Variants in MTTP observed in about 807,000 individuals in gnomAD.
MTTP encodes the protein microsomal triglyceride transfer protein.
MTTP carries 49 observed loss-of-function variants against 90.6 expected under a neutral mutation model. The ratio of observed to expected loss-of-function variants is 0.54; its 90% CI spans 0.43 to 0.69. The LOEUF is 0.69. Among genes scored for constraint, MTTP ranks in the 30% least tolerant of loss-of-function variants. MTTP has a pLI of 0.00. For synonymous variants in MTTP, 347 were observed against 384.2 expected, an observed-to-expected ratio of 0.90 and a Z score of 1.13; for missense variants, 945 against 1,067.5, an observed-to-expected ratio of 0.89 and a Z score of 1.60.
intron 8 of MTTP, among the ~76,000 whole-genome samples, chr4:99,598,819 A>G (rs1257514211): frequency 6.6e-6 from 1 of 151,836 alleles, no homozygotes; most frequent in Non-Finnish European, 1.5e-5. Context: ...ATGTGCCACC[A>G]CACCCGGCTA....
rs1366920959 is a variant in MTTP, at chr4:99,594,771, G to A, written c.797G>A (p.Arg266Lys). The A allele has an allele frequency of 6.2e-7, 1 of 1,614,026 alleles. No homozygotes were observed. The highest frequency in any genetic ancestry group is 1.3e-5 in the African/African-American group (1 of 75,036). Residue 266 changes from arginine to lysine, a missense_variant, in exon 7 of 18, where the codon AGA (arginine) becomes AAA (lysine). Coordinates refer to ENST00000265517, the MANE Select transcript of MTTP (RefSeq NM_001386140.1). ...LELKTTEAGPRLMSGKQAAAI... is the reference protein window; with the variant it reads ...LELKTTEAGPKLMSGKQAAAI... ...CTGAAGACAACCGAAGCAGGCCCAA[G>A]ATTGATGTCTGGAAAGCAGGCTGCA...
chr4:99,611,415 T>C lies in MTTP; in HGVS notation c.1951T>C (p.Phe651Leu), dbSNP rs1159084242. 8.1e-6 allele frequency: 13 copies of C among 1,613,990 alleles called. No homozygotes were observed. Among genetic ancestry groups the C allele is most frequent in the Non-Finnish European group, 1.1e-5 (13 of 1,179,972 alleles). ...GILRRSNLNIFQYIGKAGLHG... is the reference protein window; with the variant it reads ...GILRRSNLNILQYIGKAGLHG... ...TCTAAGGAGAAGTAACCTGAACATC[T>C]TTCAGTACATTGGGAAGGCTGGTCT... Residue 651 changes from phenylalanine to leucine, a missense_variant, in exon 14 of 18, where the codon TTT becomes CTT. Physicochemically the swap from Phe to Leu is conservative, Grantham distance 22. Coordinates refer to ENST00000265517, the MANE Select transcript of MTTP (RefSeq NM_001386140.1).
chr4:99,603,082 C>CA (rs1725735377), intron 10 of MTTP, among the ~76,000 whole-genome samples: 1 of 151,866 alleles, frequency 6.6e-6, no homozygotes, highest in Admixed American at 6.6e-5. Context: ...GTGAAGAGGT[C>CA]AAAGTATGGA....
At chr4:99,608,087 T>A (rs747434880) in intron 11 of MTTP, among the ~76,000 whole-genome samples, 1 of 152,162 alleles carries the variant, frequency 6.6e-6, no homozygotes, top group African/African-American at 2.4e-5. Context: ...AATTCTATAT[T>A]AGTTAGGTAA....
At chr4:99,572,127 T>G (rs1724854327), upstream of MTTP, among the ~76,000 whole-genome samples, 1 of 151,960 alleles carries the variant, frequency 6.6e-6, no homozygotes, top group South Asian at 2.1e-4. Context: ...TTGGAATTAA[T>G]CATCCATCTT....
chr4:99,592,933 C>T (rs1286843418), intron 6 of MTTP, among the ~76,000 whole-genome samples: 1 of 152,130 alleles, frequency 6.6e-6, no homozygotes, highest in Non-Finnish European at 1.5e-5. Flanking sequence ...AACAGTAGCA[C>T]AGTAGGTGTG....
chr4:99,622,681 T>G lies in MTTP; in HGVS notation c.2518T>G (p.Phe840Val), dbSNP rs1478403210. The G allele has an allele frequency of 6.2e-7, 1 of 1,613,818 alleles. No homozygotes were observed. The highest frequency in any genetic ancestry group is 8.5e-7 in the Non-Finnish European group (1 of 1,179,872). ...ATTGTTGCTGTTGTTGTACAGGCAA[T>G]TTGAGAAAAAGTACGAAAGGCTGTC... Reference protein sequence around the residue: ...MDKDEAPFRQFEKKYERLSTG... With the variant: ...MDKDEAPFRQVEKKYERLSTG... The change falls in exon 18 of 18, where the codon TTT (phenylalanine) becomes GTT (valine). Residue 840 changes from phenylalanine (F) to valine (V), a missense_variant. Coordinates refer to ENST00000265517, the MANE Select transcript of MTTP (RefSeq NM_001386140.1).
chr4:99,578,411 G>T (rs959778714), intron 1 of MTTP, among the ~76,000 whole-genome samples: 1 of 152,208 alleles, frequency 6.6e-6, no homozygotes, highest in African/African-American at 2.4e-5. Flanking sequence ...AGTGTTGCCA[G>T]ATCTCTGCAA....
intron 16 of MTTP, among the ~76,000 whole-genome samples, chr4:99,620,455 G>C (rs1463356700): frequency 6.6e-6 from 1 of 152,158 alleles, no homozygotes; most frequent in Non-Finnish European, 1.5e-5. Context: ...CAGTTATCTA[G>C]AGCATCATTA....
upstream of MTTP, chr4:99,574,720 C>G: frequency 7.6e-7 from 1 of 1,313,360 alleles, no homozygotes. Flanking sequence ...TACGTTTAAT[C>G]ATTAATAGTG....
At chr4:99,621,033 G>A (rs759667166) in intron 16 of MTTP, 28 bp from the exon 17 acceptor site, 37 of 1,608,386 alleles carry the variant, frequency 2.3e-5, no homozygotes, top group Admixed American at 5.0e-5. Context: ...ATATGAACAA[G>A]TTTTTTCTTT....
intron 3 of MTTP, among the ~76,000 whole-genome samples, chr4:99,585,722 T>C (rs1240984718): frequency 6.6e-6 from 1 of 152,106 alleles, no homozygotes; most frequent in Non-Finnish European, 1.5e-5. Context: ...GTTCAAAGGC[T>C]GGGATGGAAC....
At chr4:99,601,826 A>G in intron 10 of MTTP, 112 bp downstream of exon 10, 2 of 842,954 alleles carry the variant, frequency 2.4e-6, no homozygotes, top group Non-Finnish European at 2.0e-6. Flanking sequence ...TATTCTACTT[A>G]CCTTATTTGC....
chr4:99,597,850 AT>A, intron 8 of MTTP, among the ~76,000 whole-genome samples: 1 of 152,330 alleles, frequency 6.6e-6, no homozygotes, highest in South Asian at 2.1e-4. Flanking sequence ...AATAGAATGT[AT>A]TTTTAGTCTA....
chr4:99,616,725 C>A (rs978500275), intron 15 of MTTP, among the ~76,000 whole-genome samples: 1 of 152,128 alleles, frequency 6.6e-6, no homozygotes, highest in East Asian at 1.9e-4. Context: ...CAAGAAAATT[C>A]CTCTTTGCAC....
Position 99,621,202 on chromosome 4 carries a change from G to A in MTTP, c.2484G>A (p.Met828Ile), listed in dbSNP as rs1159251658. 11 of 1,613,922 alleles carry A rather than the reference G, an allele frequency of 6.8e-6. No individual in the cohort carries two copies. In the Admixed American group the frequency reaches 1.8e-4, roughly 27 times the overall value. The part of the protein sequence containing the change: ...QFSQYPFLVC[M>I]QMDKDEAPFR... ...CTCAGTACCCATTCTTAGTTTGCAT[G>A]CAGATGGACAAGGATGAAGCTCCAT... is the stretch of plus-strand genomic sequence containing the variant. The change falls in exon 17 of 18, where the codon ATG (methionine) becomes ATA (isoleucine). Residue 828 changes from methionine (M) to isoleucine (I), a missense_variant. By Grantham distance (10) the Met-to-Ile change is conservative. Coordinates refer to ENST00000265517, the MANE Select transcript of MTTP (RefSeq NM_001386140.1).
chr4:99,610,991 C>G, intron 12 of MTTP, 152 bp from the exon 13 acceptor site: 1 of 741,224 alleles, frequency 1.3e-6, no homozygotes. Context: ...CCTGATGCTA[C>G]CACGCCAGCT....
chr4:99,587,735 G>C (rs967287147), intron 3 of MTTP, among the ~76,000 whole-genome samples: 1 of 152,134 alleles, frequency 6.6e-6, no homozygotes, highest in Admixed American at 6.6e-5. Flanking sequence ...CATTGCCACT[G>C]AGTGAACACT....
At chr4:99,619,814 C>T (rs181791243) in intron 16 of MTTP, among the ~76,000 whole-genome samples, 1 of 152,288 alleles carries the variant, frequency 6.6e-6, no homozygotes, top group African/African-American at 2.4e-5. Context: ...AACAGTAGCA[C>T]ATTTAATGTG....
Sources: gnomAD v4.1 joint callset for allele counts (sites outside exome capture counted in the v4.1 genomes callset) on GRCh38, gnomAD v4.1.1 for gene constraint, MANE v1.5 for transcripts, NCBI Gene and HGNC (gene_info 2026-07-23, HGNC 2026-07-21) for gene names.